The following RPS6 variants were observed in gnomAD, a reference collection of about 807,000 sequenced individuals.
RPS6 encodes small ribosomal subunit protein eS6.
RPS6 carries 1 observed loss-of-function variant against 27.1 expected under a neutral mutation model. That is an observed-to-expected ratio of 0.04 (90% CI 0.01 to 0.18). The LOEUF is 0.18. Among genes scored for constraint, RPS6 ranks in the 10% least tolerant of loss-of-function variants. The pLI is 1.00. For synonymous variants in RPS6, 152 were observed against 106.0 expected (o/e 1.43, Z -2.66); for missense variants, 259 against 319.1 (o/e 0.81, Z 1.44).
chr9:19,376,110 G>T lies in RPS6; in HGVS notation c.*183C>A. ...CCCCTGAAAGGAACCCCTGTACACTGACCTTGTCTTCCACTACCACACACA... is the reference window on the plus strand; with the variant it reads ...CCCCTGAAAGGAACCCCTGTACACTTACCTTGTCTTCCACTACCACACACA... On this transcript the variant is annotated 3_prime_UTR_variant, in exon 6 of 6. Transcript: ENST00000380394. 5 of 580,306 alleles carry T rather than the reference G, an allele frequency of 8.6e-6. No individual in the cohort carries two copies. The South Asian group carries it at 8.7e-5, about 10-fold the overall frequency. 35.9% of individuals were successfully genotyped at this position (580,306 alleles called of 1,614,324 possible).
Position 19,378,410 on chromosome 9 carries a change from C to T in RPS6, c.454G>A (p.Asp152Asn). The stretch of plus-strand genomic sequence containing the variant: ...TTTCTTACAACATACTGGCGGACAT[C>T]ATCTTCTTTAGAGAGATTGAAAAGT... ...RKLFNLSKED[D>N]VRQYVVRKPL... The change falls in exon 4 of 6, where the codon GAT becomes AAT. Residue 152 changes from aspartate to asparagine, a missense_variant. Asp to Asn is a conservative substitution (Grantham distance 23). Coordinates refer to ENST00000380394, the MANE Select transcript of RPS6 (RefSeq NM_001010.3). The T allele has an allele frequency of 6.2e-7, 1 of 1,613,462 alleles. No homozygotes were observed. Among genetic ancestry groups the T allele is most frequent in the Non-Finnish European group, 8.5e-7 (1 of 1,180,014 alleles).
chr9:19,379,450 C>G (rs1589014005), intron 2 of RPS6, 37 bp downstream of exon 2: 1 of 1,613,148 alleles, frequency 6.2e-7, no homozygotes, highest in Non-Finnish European at 8.5e-7. Context: ...TTTACCGTCT[C>G]TGACTTAAAT....
At chr9:19,379,382 G>C in intron 2 of RPS6, 105 bp downstream of exon 2, 1 of 1,562,014 alleles carries the variant, frequency 6.4e-7, no homozygotes, top group Non-Finnish European at 8.7e-7. Context: ...ACTTACCAAA[G>C]GTCAGAAGCC....
Position 19,378,530 on chromosome 9 carries a change from T to TG in RPS6, c.350-17dup, listed in dbSNP as rs1198333659. 3 of 1,606,772 alleles carry TG rather than the reference T, an allele frequency of 1.9e-6. No individual in the cohort carries two copies. In the African/African-American group the frequency reaches 4.0e-5, roughly 22 times the overall value. ...TCCTTCTCTCCTTAGAAGAAACAGT[T>TG]GAAGAGATTTTAATTCAACAACTTC... On this transcript the variant is annotated splice_polypyrimidine_tract_variant and intron_variant, in intron 3 of 5. Coordinates refer to ENST00000380394, the MANE Select transcript of RPS6 (RefSeq NM_001010.3).
At chr9:19,378,266 G>A (rs1829622526) in intron 4 of RPS6, 102 bp downstream of exon 4, 4 of 1,178,576 alleles carry the variant, frequency 3.4e-6, no homozygotes, top group Non-Finnish European at 4.9e-6. Flanking sequence ...AGTGAATAGT[G>A]CTAAGGCCTT....
intron 4 of RPS6, chr9:19,376,914 A>G: frequency 2.9e-6 from 1 of 339,972 alleles, no homozygotes; most frequent in Non-Finnish European, 5.3e-6. Context: ...CAGTTTTACT[A>G]AAATACAGTG....
At chr9:19,378,621 G>GT in intron 3 of RPS6, 87 bp downstream of exon 3, 2 of 1,570,870 alleles carry the variant, frequency 1.3e-6, no homozygotes, top group Non-Finnish European at 8.7e-7. Flanking sequence ...CCATTGGTCT[G>GT]TAAGTCTGGA....
In RPS6 at chr9:19,376,020, TAA is replaced by T. The variant is rs1829574324; in HGVS notation, c.*271_*272del. The T allele has an allele frequency of 1.9e-5, 6 of 315,318 alleles. No homozygotes were observed. The East Asian group carries it at 3.3e-4, about 17-fold the overall frequency. The allele number at this position is 315,318 out of a possible 1,614,324, so 19.5% of individuals were successfully genotyped here. ...GATTAATAGTCCTCATCATTTCCCC[TAA>T]GTTCCATGCCATTCTGAAGAGGCAG... On this transcript the variant is annotated 3_prime_UTR_variant, in exon 6 of 6. Coordinates refer to ENST00000380394, the MANE Select transcript of RPS6 (RefSeq NM_001010.3).
chr9:19,379,939 C>A, intron 1 of RPS6: 1 of 1,434,436 alleles, frequency 7.0e-7, no homozygotes, highest in East Asian at 2.5e-5. Flanking sequence ...CTGGGCAACA[C>A]GCCGCATCCG....
rs772984797 is a variant in RPS6, at chr9:19,378,718, A to C, written c.339T>G (p.Ile113Met). ...ACAAGTAACCCTCACCTTTTTTTAC[A>C]ATAACCAAGTTGAGAACGCTCAGAT... is the stretch of plus-strand genomic sequence containing the variant. Reference protein sequence around the residue: ...DANLSVLNLVIVKKGEKDIPG... With the variant: ...DANLSVLNLVMVKKGEKDIPG... Residue 113 changes from isoleucine (I) to methionine (M), a missense_variant, in exon 3 of 6, where the codon ATT becomes ATG. Transcript: ENST00000380394. 1 of 1,614,006 alleles carries C rather than the reference A, an allele frequency of 6.2e-7. No individual in the cohort carries two copies. Among genetic ancestry groups the C allele is most frequent in the South Asian group, 1.1e-5 (1 of 91,074 alleles).
At chr9:19,379,383 G>C (rs776940906) in intron 2 of RPS6, 104 bp downstream of exon 2, 1 of 1,562,456 alleles carries the variant, frequency 6.4e-7, no homozygotes, top group Non-Finnish European at 8.7e-7. Context: ...CTTACCAAAG[G>C]TCAGAAGCCA....
intron 4 of RPS6, 137 bp from the exon 5 acceptor site, chr9:19,376,788 A>T: frequency 1.4e-6 from 1 of 738,186 alleles, no homozygotes; most frequent in Non-Finnish European, 2.0e-6. Context: ...TCAAATCAGA[A>T]CTATTCTAAA....
Position 19,378,784 on chromosome 9 carries a change from T to C in RPS6, c.273A>G (p.Glu91=), listed in dbSNP as rs766124092. The C allele has an allele frequency of 1.2e-6, 2 of 1,614,078 alleles. No individual in the cohort carries two copies. Among genetic ancestry groups the C allele is most frequent in the Non-Finnish European group, 1.7e-6 (2 of 1,180,044 alleles). ...AACCACGAACTGATTTTCTCTTTCT[T>C]TCTCCAGTTCTCCTTGGTCTGTAAC... The part of the protein sequence containing the change: ...HSCYRPRRTG[E]RKRKSVRGCI... Residue 91 remains glutamate (E), a synonymous_variant, in exon 3 of 6, where the codon GAA becomes GAG. Coordinates refer to ENST00000380394, the MANE Select transcript of RPS6 (RefSeq NM_001010.3).
At chr9:19,378,199 G>A (rs1829621837) in intron 4 of RPS6, among the ~76,000 whole-genome samples, 169 bp downstream of exon 4, 1 of 152,074 alleles carries the variant, frequency 6.6e-6, no homozygotes, top group African/African-American at 2.4e-5. Flanking sequence ...TAATAAGCAA[G>A]GATTAACACC....
rs58439029 is a variant in RPS6 at position 19,377,107 on chromosome 9, TGTTAAA to T, written c.497-462_497-457del. On this transcript the variant is annotated intron_variant, in intron 4 of 5. Transcript: ENST00000380394. ...ATTAACATCAGATTAGGTGGCATGTTGTTAAAGTATCTTCATTAATCTGATCTGTAC... is the reference window on the plus strand; with the variant it reads ...ATTAACATCAGATTAGGTGGCATGTTGTATCTTCATTAATCTGATCTGTAC... 5.0e-3 allele frequency among the ~76,000 whole-genome samples: 767 copies of T among 152,324 alleles called. 8 individuals carry two copies. Among genetic ancestry groups the T allele is most frequent in the African/African-American group, 0.018 (745 of 41,564 alleles).
At chr9:19,377,597 C>G (rs565706293) in intron 4 of RPS6, among the ~76,000 whole-genome samples, 1 of 152,168 alleles carries the variant, frequency 6.6e-6, no homozygotes, top group African/African-American at 2.4e-5. Context: ...TCAGGAAAAC[C>G]CAACCTTGAC....
rs1442525977 is a variant in RPS6, at chr9:19,376,276, T to C, written c.*17A>G. ...GAGATCAGAGTCTGATCTTATTTATTTGTTACTCAAAAAATCTTATTTCTG... is the reference window on the plus strand; with the variant it reads ...GAGATCAGAGTCTGATCTTATTTATCTGTTACTCAAAAAATCTTATTTCTG... On this transcript the variant is annotated 3_prime_UTR_variant, in exon 6 of 6. Transcript: ENST00000380394. 1 of 1,592,412 alleles carries C rather than the reference T, an allele frequency of 6.3e-7. No individual in the cohort carries two copies.
chr9:19,379,319 GTCCCCCCC>G, intron 2 of RPS6, 160 bp downstream of exon 2: 1 of 1,504,102 alleles, frequency 6.6e-7, no homozygotes, highest in Non-Finnish European at 8.9e-7. Context: ...CTTACTCTAC[GTCCCCCCC>G]TCCAAGGTAA....
rs771972723 is a variant in RPS6 at position 19,379,581 on chromosome 9, A to G, written c.44T>C (p.Leu15Pro). The change falls in exon 2 of 6, where the codon CTC becomes CCC. Residue 15 changes from leucine (L) to proline (P), a missense_variant. Coordinates refer to ENST00000380394, the MANE Select transcript of RPS6 (RefSeq NM_001010.3). ...ISFPATGCQK[L>P]IEVDDERKLR... ...TTTGCGTTCATCGTCCACTTCAATG[A>G]GTTTCTGGCAGCCAGTGGCTGGGAA... 5 of 1,613,966 alleles carry G rather than the reference A, an allele frequency of 3.1e-6. No individual in the cohort carries two copies. The East Asian group carries it at 1.1e-4, about 36-fold the overall frequency.
Sources: gnomAD v4.1 joint callset for allele counts (sites outside exome capture counted in the v4.1 genomes callset) on GRCh38, gnomAD v4.1.1 for gene constraint, MANE v1.5 for transcripts, NCBI Gene and HGNC (gene_info 2026-07-23, HGNC 2026-07-21) for gene names.